The following PICALM variants were observed in gnomAD, a reference collection of about 807,000 sequenced individuals.
PICALM encodes the protein phosphatidylinositol-binding clathrin assembly protein.
A neutral mutation model predicts 80.5 loss-of-function variants in PICALM; 40 were observed. The ratio of observed to expected loss-of-function variants is 0.50; its 90% CI spans 0.39 to 0.65. The LOEUF (loss-of-function observed/expected upper bound fraction) is 0.65. Among genes scored for constraint, PICALM ranks in the 30% least tolerant of loss-of-function variants. PICALM has a pLI of 0.00. For synonymous variants in PICALM, 288 were observed against 260.3 expected (o/e 1.11, Z -1.02); for missense variants, 676 against 778.9 (o/e 0.87, Z 1.57).
chr11:85,966,719 C>A (rs2093913003), intron 19 of PICALM, among the ~76,000 whole-genome samples: 1 of 152,166 alleles, frequency 6.6e-6, no homozygotes, highest in Admixed American at 6.5e-5. Context: ...AAGATGAGGT[C>A]TTTGGAGTGA....
In PICALM at chr11:86,057,585, T is replaced by TTG. The variant is rs1555151301; in HGVS notation, c.130+11065_130+11066insCA. On this transcript the variant is annotated intron_variant, in intron 1 of 19. Coordinates refer to ENST00000393346, the MANE Select transcript of PICALM (RefSeq NM_007166.4). Reference sequence around the variant, plus strand: ...AAATAAATAAATAATGAATAAAAAATTATGTGTGTGTGTGTGTATGTACAC... The same window carrying TTG: ...AAATAAATAAATAATGAATAAAAAATTGTATGTGTGTGTGTGTGTATGTACAC... Among the ~76,000 whole-genome samples the TTG allele has an allele frequency of 6.5e-5, 5 of 76,646 alleles. No homozygotes were observed. The South Asian group carries it at 1.0e-3, about 16-fold the overall frequency. The allele number at this position is 76,646 out of a possible 152,430, so 50.3% of individuals were successfully genotyped here.
intron 1 of PICALM, among the ~76,000 whole-genome samples, chr11:86,058,091 G>C (rs190080465): frequency 2.6e-4 from 39 of 152,290 alleles, no homozygotes; most frequent in African/African-American, 9.4e-4. Context: ...CCTCTGCAGT[G>C]TGAATACCAC....
Position 86,010,176 on chromosome 11 carries a change from C to T in PICALM, c.765+854G>A, listed in dbSNP as rs576827296. On this transcript the variant is annotated intron_variant, in intron 7 of 19. Transcript: ENST00000393346. ...ACGCCTCTGTGGTAGCAAGATAATG[C>T]CTGCAAGTATTACCACACCTGCCTT... 1.2e-4 allele frequency among the ~76,000 whole-genome samples: 19 copies of T among 152,236 alleles called. 1 individual carries two copies. The South Asian group carries it at 3.5e-3, about 28-fold the overall frequency.
chr11:86,008,533 T>C (rs2095324254), intron 7 of PICALM, among the ~76,000 whole-genome samples: 1 of 151,524 alleles, frequency 6.6e-6, no homozygotes, highest in Non-Finnish European at 1.5e-5. Flanking sequence ...AGCAGGAGAA[T>C]CGTTTGAACC....
At chr11:85,993,883 T>A (rs933533674) in intron 12 of PICALM, among the ~76,000 whole-genome samples, 12 of 148,816 alleles carry the variant, frequency 8.1e-5, no homozygotes, top group African/African-American at 2.9e-4. Context: ...ACTAAACTGA[T>A]TTTTTTTTTT....
rs2095134900 is a variant in PICALM at position 86,001,248 on chromosome 11, G to T, written c.894-90C>A. 23 of 1,171,292 alleles carry T rather than the reference G, an allele frequency of 2.0e-5. No individual in the cohort carries two copies. The South Asian group carries it at 3.1e-4, about 16-fold the overall frequency. The allele number at this position is 1,171,292 out of a possible 1,614,324, so 72.6% of individuals were successfully genotyped here. ...GAAATGGTCTGGCAACCTTGCCATG[G>T]ATAGGCACTATAATTATAAACTTAA... On this transcript the variant is annotated intron_variant, in intron 9 of 19. Coordinates refer to ENST00000393346, the MANE Select transcript of PICALM (RefSeq NM_007166.4).
At chr11:85,982,423 C>CTTTTTTTTTTTTTTTTTTTTTTTTTTT (rs59672357) in intron 14 of PICALM, among the ~76,000 whole-genome samples, 1 of 70,170 alleles carries the variant, frequency 1.4e-5, no homozygotes, top group African/African-American at 6.5e-5. Context: ...ATTTTATAGA[C>CTTTTTTTTTTTTTTTTTTTTTTTTTTT]TTTTTTTTTT....
intron 1 of PICALM, among the ~76,000 whole-genome samples, chr11:86,036,515 T>C (rs2136926729): frequency 6.6e-6 from 1 of 152,282 alleles, no homozygotes; most frequent in South Asian, 2.1e-4. Flanking sequence ...ACTGGGGAAA[T>C]ACTCTTAAAG....
chr11:85,996,215 T>C (rs1409230269), intron 12 of PICALM, among the ~76,000 whole-genome samples: 1 of 152,160 alleles, frequency 6.6e-6, no homozygotes, highest in East Asian at 1.9e-4. Context: ...TTAACTTATC[T>C]TGCTATGAGA....
Position 86,014,918 on chromosome 11 carries a change from T to C in PICALM, c.498A>G (p.Lys166=), listed in dbSNP as rs1426890536. The C allele has an allele frequency of 6.3e-7, 1 of 1,594,922 alleles. No homozygotes were observed. Among genetic ancestry groups the C allele is most frequent in the Admixed American group, 1.7e-5 (1 of 58,338 alleles). Residue 166 remains lysine (K), a synonymous_variant, in exon 5 of 20, where the codon AAA becomes AAG. Coordinates refer to ENST00000393346, the MANE Select transcript of PICALM (RefSeq NM_007166.4). ...TCTGATTCTGAATAATTGGTACAGTTTTTAGGAGTTTTTCTGTGTTCATTG... is the reference window on the plus strand; with the variant it reads ...TCTGATTCTGAATAATTGGTACAGTCTTTAGGAGTTTTTCTGTGTTCATTG... ...MRTMNTEKLL[K]TVPIIQNQMD...
At chr11:85,993,956 G>A (rs541408183) in intron 12 of PICALM, among the ~76,000 whole-genome samples, 9 of 151,828 alleles carry the variant, frequency 5.9e-5, no homozygotes, top group South Asian at 2.1e-4. Context: ...TTGGGCTAAC[G>A]CAATCCTCCT....
Position 86,024,978 on chromosome 11 carries a change from A to C in PICALM, c.349+1314T>G, listed in dbSNP as rs187102111. Among the ~76,000 whole-genome samples, 380 of 152,268 alleles carry C rather than the reference A, an allele frequency of 2.5e-3. 2 individuals are homozygous for C. Among genetic ancestry groups the C allele is most frequent in the Middle Eastern group, 6.8e-3 (2 of 294 alleles). ...TCCCAATTCATTTGGCATATCCTTT[A>C]TGAGGTTCTCCCTAAAGCTAACATT... is the stretch of plus-strand genomic sequence containing the variant. On this transcript the variant is annotated intron_variant, in intron 3 of 19. Coordinates refer to ENST00000393346, the MANE Select transcript of PICALM (RefSeq NM_007166.4).
chr11:85,983,865 C>A lies in PICALM; in HGVS notation c.1516+1G>T. ...TTTTTAATAAAATTTTTTTTCCTTACCCCCAGAATCTACAATAACATTTGT... is the reference window on the plus strand; with the variant it reads ...TTTTTAATAAAATTTTTTTTCCTTAACCCCAGAATCTACAATAACATTTGT... On this transcript the variant is annotated splice_donor_variant, in intron 14 of 19. Transcript: ENST00000393346. LOFTEE classifies it high-confidence loss of function. The A allele has an allele frequency of 4.4e-6, 6 of 1,372,562 alleles. No homozygotes were observed. Among genetic ancestry groups the A allele is most frequent in the Non-Finnish European group, 6.1e-6 (6 of 976,304 alleles). The allele number at this position is 1,372,562 out of a possible 1,614,324, so 85.0% of individuals were successfully genotyped here.
intron 3 of PICALM, among the ~76,000 whole-genome samples, chr11:86,023,160 G>C (rs1174036816): frequency 6.6e-6 from 1 of 152,076 alleles, no homozygotes; most frequent in Non-Finnish European, 1.5e-5. Context: ...CCTGGCTCAA[G>C]GAAGTCTATA....
At chr11:85,979,364 C>G (rs2094372208) in intron 17 of PICALM, among the ~76,000 whole-genome samples, 1 of 151,824 alleles carries the variant, frequency 6.6e-6, no homozygotes, top group Non-Finnish European at 1.5e-5. Context: ...GTGGTGGGCA[C>G]CTGTAATCCC....
chr11:85,991,544 G>GAA (rs1054590010), intron 12 of PICALM, among the ~76,000 whole-genome samples: 1 of 141,130 alleles, frequency 7.1e-6, no homozygotes, highest in African/African-American at 2.6e-5. Flanking sequence ...TCTGAAAAAG[G>GAA]AAAAAAAAAA....
intron 1 of PICALM, among the ~76,000 whole-genome samples, chr11:86,033,850 A>AT (rs1295676597): frequency 6.6e-6 from 1 of 152,144 alleles, no homozygotes; most frequent in Non-Finnish European, 1.5e-5. Flanking sequence ...TTAACATGAC[A>AT]TTTTTTCAAA....
At chr11:85,983,559 G>A (rs2094500306) in intron 14 of PICALM, among the ~76,000 whole-genome samples, 1 of 151,606 alleles carries the variant, frequency 6.6e-6, no homozygotes, top group Non-Finnish European at 1.5e-5. Context: ...AAAATTGTAT[G>A]CCTAAAAAGG....
intron 1 of PICALM, among the ~76,000 whole-genome samples, chr11:86,056,480 G>A (rs2096271890): frequency 6.6e-6 from 1 of 151,882 alleles, no homozygotes; most frequent in East Asian, 1.9e-4. Flanking sequence ...CCACTAGGAT[G>A]ACTATTTTTT....
Sources: gnomAD v4.1 joint callset for allele counts (sites outside exome capture counted in the v4.1 genomes callset) on GRCh38, gnomAD v4.1.1 for gene constraint, MANE v1.5 for transcripts, NCBI Gene and HGNC (gene_info 2026-07-23, HGNC 2026-07-21) for gene names.